The following CACNA1C variants were observed in gnomAD, a reference collection of about 807,000 sequenced individuals.
CACNA1C encodes voltage-dependent L-type calcium channel subunit alpha-1C.
CACNA1C carries 30 observed loss-of-function variants against 229.0 expected under a neutral mutation model. The ratio of observed to expected loss-of-function variants is 0.13; its 90% CI spans 0.10 to 0.18. The LOEUF (loss-of-function observed/expected upper bound fraction) is 0.18. Ranked by LOEUF, CACNA1C falls within the 10% of genes least tolerant of loss-of-function variation. The pLI, the probability that CACNA1C is intolerant of heterozygous loss-of-function variation, is 1.00. For missense variants in CACNA1C, 1,658 were observed against 2,845.0 expected (o/e 0.58, Z 9.49); for synonymous variants, 1,114 against 1,132.5 (o/e 0.98, Z 0.33).
chr12:2,488,067 A>C lies in CACNA1C; in HGVS notation c.916+1805A>C, dbSNP rs568766486. 6.6e-6 allele frequency among the ~76,000 whole-genome samples: 1 copy of C among 152,322 alleles called. No homozygotes were observed. Among genetic ancestry groups the C allele is most frequent in the East Asian group, 1.9e-4 (1 of 5,180 alleles). On this transcript the variant is annotated intron_variant, in intron 6 of 46. Coordinates refer to ENST00000399655, the MANE Select transcript of CACNA1C (RefSeq NM_000719.7). This position sits in a 1 kb window ranked among gnomAD's most constrained non-coding sequence, Gnocchi z 4.0. ...GAATGATGGTGAGGCCCTCACTAAC[A>C]AAATGGGGGAGAGCGAAATGGTAGA...
intron 1 of CACNA1C, among the ~76,000 whole-genome samples, chr12:2,002,931 T>G (rs955428017): frequency 2.0e-5 from 3 of 152,094 alleles, no homozygotes; most frequent in Non-Finnish European, 4.4e-5. Context: ...ACAAAAAAAG[T>G]AGGTGACAAA....
chr12:2,187,395 G>A (rs1238201156), intron 3 of CACNA1C, among the ~76,000 whole-genome samples: 2 of 152,212 alleles, frequency 1.3e-5, no homozygotes, highest in African/African-American at 4.8e-5. Context: ...GCAACGGCCA[G>A]GAAATGATTT....
intron 7 of CACNA1C, among the ~76,000 whole-genome samples, chr12:2,494,862 C>T (rs996844577): frequency 6.6e-5 from 10 of 152,188 alleles, no homozygotes; most frequent in South Asian, 2.1e-4. Context: ...GAAACTTGCC[C>T]GAGGACCTTG....
chr12:2,256,089 A>ACGAC (rs1600946534), intron 3 of CACNA1C, among the ~76,000 whole-genome samples: 15 of 152,324 alleles, frequency 9.8e-5, no homozygotes, highest in African/African-American at 1.4e-4. Flanking sequence ...TTACAATCAC[A>ACGAC]CCTCCTGTTT....
At chr12:2,671,150 G>A (rs2096550234) in intron 38 of CACNA1C, among the ~76,000 whole-genome samples, 2 of 151,946 alleles carry the variant, frequency 1.3e-5, no homozygotes, top group Non-Finnish European at 2.9e-5. Flanking sequence ...AAGTAGCTGG[G>A]ATTACAGGCA....
intron 1 of CACNA1C, among the ~76,000 whole-genome samples, chr12:2,014,652 T>G (rs1593700156): frequency 6.6e-6 from 1 of 152,232 alleles, no homozygotes; most frequent in East Asian, 1.9e-4. Flanking sequence ...GGCTCCAGTT[T>G]CTTTACATGA....
intron 3 of CACNA1C, among the ~76,000 whole-genome samples, chr12:2,397,894 C>T (rs79744129): frequency 0.092 from 14,024 of 152,302 alleles, 730 homozygotes; most frequent in Middle Eastern, 0.14. Context: ...TGCTTTGTCC[C>T]TCAGATGAGT....
rs1313825235 is a variant in CACNA1C at position 2,107,012 on chromosome 12, T to C, written c.50-8212T>C. On this transcript the variant is annotated intron_variant, in intron 1 of 46. Transcript: ENST00000399655. ...GCTGGGGTGTCCTGAAGCCACTGGG[T>C]GCCCACCCCGGGGAGGTTTTCCACC... is the stretch of plus-strand genomic sequence containing the variant. 4.3e-4 allele frequency among the ~76,000 whole-genome samples: 37 copies of C among 86,994 alleles called. 1 individual carries two copies. Among genetic ancestry groups the C allele is most frequent in the South Asian group, 1.0e-3 (2 of 1,966 alleles). The allele number at this position is 86,994 out of a possible 152,430, so 57.1% of individuals were successfully genotyped here. A position where few individuals can be genotyped will look rare whatever the true frequency, so the allele number is the denominator to read the frequency against.
intron 5 of CACNA1C, among the ~76,000 whole-genome samples, chr12:2,459,607 A>G (rs1279360895): frequency 6.6e-6 from 1 of 152,184 alleles, no homozygotes; most frequent in East Asian, 1.9e-4. Flanking sequence ...TAGAAACTGC[A>G]TATATCGTGG....
At chr12:2,335,355 G>A (rs376725029) in intron 3 of CACNA1C, among the ~76,000 whole-genome samples, 3 of 152,076 alleles carry the variant, frequency 2.0e-5, no homozygotes, top group Non-Finnish European at 4.4e-5. Context: ...TGTGATTTAC[G>A]ATGTCAAGAG....
chr12:2,031,993 T>TTGTG (rs60474439), intron 1 of CACNA1C, among the ~76,000 whole-genome samples: 15 of 151,058 alleles, frequency 9.9e-5, no homozygotes, highest in Admixed American at 3.3e-4. Flanking sequence ...GTGAGTGTGT[T>TTGTG]TGTGTGTGTG....
At chr12:2,269,157 G>A (rs139654071) in intron 3 of CACNA1C, among the ~76,000 whole-genome samples, 5 of 152,300 alleles carry the variant, frequency 3.3e-5, no homozygotes, top group Middle Eastern at 6.8e-3. Flanking sequence ...CTCAGGGAAG[G>A]GTGAGCAATG....
At chr12:2,316,059 C>T (rs1271513037) in intron 3 of CACNA1C, among the ~76,000 whole-genome samples, 1 of 152,226 alleles carries the variant, frequency 6.6e-6, no homozygotes, top group African/African-American at 2.4e-5. Flanking sequence ...AGGGCAGCAC[C>T]TTCATGGACA....
chr12:2,297,105 A>G (rs575034085), intron 3 of CACNA1C, among the ~76,000 whole-genome samples: 4 of 152,318 alleles, frequency 2.6e-5, no homozygotes, highest in South Asian at 2.1e-4. Context: ...AGGACAGCAA[A>G]GAAACCGCTC....
At chr12:2,119,298 T>TTCC (rs1021342606) in intron 2 of CACNA1C, among the ~76,000 whole-genome samples, 1 of 152,158 alleles carries the variant, frequency 6.6e-6, no homozygotes, top group East Asian at 1.9e-4. Flanking sequence ...CCTCTCTGTC[T>TTCC]TCCTCCTCCT....
chr12:2,392,079 T>G (rs2154548914), intron 3 of CACNA1C, among the ~76,000 whole-genome samples: 1 of 152,354 alleles, frequency 6.6e-6, no homozygotes, highest in Non-Finnish European at 1.5e-5. Context: ...TTATCTAGTT[T>G]CCAAACCTAG....
intron 29 of CACNA1C, chr12:2,613,421 CAA>C (rs1398327191): frequency 6.6e-6 from 1 of 152,176 alleles, no homozygotes; most frequent in Admixed American, 6.5e-5. Flanking sequence ...TTTCCCATGT[CAA>C]GTGTTCTGCG....
intron 3 of CACNA1C, among the ~76,000 whole-genome samples, chr12:2,248,715 G>A (rs941355275): frequency 2.6e-5 from 4 of 152,250 alleles, no homozygotes; most frequent in African/African-American, 9.6e-5. Flanking sequence ...AGAAGTAACC[G>A]AAAGACAGGA....
At chr12:2,659,241 T>C (rs536489823) in intron 34 of CACNA1C, among the ~76,000 whole-genome samples, 2 of 152,206 alleles carry the variant, frequency 1.3e-5, no homozygotes, top group East Asian at 3.8e-4. Flanking sequence ...ATTTAAATAT[T>C]TTTTACTGTT....
Sources: gnomAD v4.1 joint callset for allele counts (sites outside exome capture counted in the v4.1 genomes callset) on GRCh38, gnomAD v4.1.1 for gene constraint, Gnocchi (gnomAD v3.1) non-coding constraint, MANE v1.5 for transcripts, NCBI Gene and HGNC (gene_info 2026-07-23, HGNC 2026-07-21) for gene names.